Variants in CENPW observed in about 807,000 individuals in gnomAD.
CENPW encodes cancer-up-regulated gene 2 protein.
A neutral mutation model predicts 11.1 loss-of-function variants in CENPW; 3 were observed. That is an observed-to-expected ratio of 0.27 (90% CI 0.12 to 0.70). The LOEUF (loss-of-function observed/expected upper bound fraction) is 0.70. Ranked by LOEUF, CENPW falls within the 30% of genes least tolerant of loss-of-function variation. CENPW has a pLI of 0.77. For missense variants in CENPW, 100 were observed against 105.6 expected, an observed-to-expected ratio of 0.95 and a Z score of 0.23; for synonymous variants, 38 against 42.0, an observed-to-expected ratio of 0.91 and a Z score of 0.37.
chr6:126,403,216 A>G, the CENPW span, among the ~76,000 whole-genome samples: 1 of 152,128 alleles, frequency 6.6e-6, no homozygotes, highest in Non-Finnish European at 1.5e-5. Flanking sequence ...TATTGAAATT[A>G]GGCCAATTAA....
At chr6:126,363,251 C>G in the CENPW span, among the ~76,000 whole-genome samples, 1 of 152,156 alleles carries the variant, frequency 6.6e-6, no homozygotes, top group African/African-American at 2.4e-5. Context: ...GAACTAGAAG[C>G]CATAAACTGG....
At chr6:126,372,904 G>A in the CENPW span, among the ~76,000 whole-genome samples, 2 of 152,148 alleles carry the variant, frequency 1.3e-5, no homozygotes, top group Non-Finnish European at 2.9e-5. Context: ...ATGCCCTGGA[G>A]TACTAAAATA....
At chr6:126,473,977 C>CAGAATATATATAGAATATAT in the CENPW span, among the ~76,000 whole-genome samples, 1 of 147,270 alleles carries the variant, frequency 6.8e-6, no homozygotes, top group South Asian at 2.1e-4. Context: ...ATAGAATATA[C>CAGAATATATATAGAATATAT]AGAATATATA....
the CENPW span, among the ~76,000 whole-genome samples, chr6:126,364,401 G>A: frequency 6.6e-6 from 1 of 152,140 alleles, no homozygotes; most frequent in Non-Finnish European, 1.5e-5. Context: ...TCACAGAGAA[G>A]TTTCTAAGGT....
At chr6:126,426,071 C>T in the CENPW span, among the ~76,000 whole-genome samples, 78 of 152,188 alleles carry the variant, frequency 5.1e-4, no homozygotes, top group African/African-American at 1.7e-3. Flanking sequence ...AATCCAGTGC[C>T]TGGCTGGTTT....
chr6:126,452,032 G>T, the CENPW span, among the ~76,000 whole-genome samples: 1 of 151,062 alleles, frequency 6.6e-6, no homozygotes, highest in African/African-American at 2.4e-5. Context: ...TGTGGAACAG[G>T]TACAAATAGA....
chr6:126,352,207 A>G (rs991839261), downstream of CENPW, among the ~76,000 whole-genome samples: 1 of 152,068 alleles, frequency 6.6e-6, no homozygotes, highest in African/African-American at 2.4e-5. Flanking sequence ...TCTTACTACA[A>G]CTTAGGGTAG....
chr6:126,413,068 G>C, the CENPW span, among the ~76,000 whole-genome samples: 1 of 151,994 alleles, frequency 6.6e-6, no homozygotes, highest in African/African-American at 2.4e-5. Flanking sequence ...AGTTATGTTT[G>C]TTTTCTGTAG....
At chr6:126,463,690 C>A in the CENPW span, among the ~76,000 whole-genome samples, 1 of 151,878 alleles carries the variant, frequency 6.6e-6, no homozygotes, top group Non-Finnish European at 1.5e-5. Context: ...ATAAGTTAGA[C>A]AACTTCAATA....
At chr6:126,472,420 T>A in the CENPW span, among the ~76,000 whole-genome samples, 5 of 152,216 alleles carry the variant, frequency 3.3e-5, no homozygotes, top group Admixed American at 2.0e-4. Context: ...GTATGTACTC[T>A]TTCTTTTTCT....
At chr6:126,410,031 T>A in the CENPW span, among the ~76,000 whole-genome samples, 1 of 152,094 alleles carries the variant, frequency 6.6e-6, no homozygotes, top group East Asian at 1.9e-4. Flanking sequence ...TGGTTTTTTT[T>A]ATGGTGATCA....
chr6:126,363,980 T>C, the CENPW span, among the ~76,000 whole-genome samples: 1 of 152,200 alleles, frequency 6.6e-6, no homozygotes, highest in African/African-American at 2.4e-5. Context: ...ACAGTGTCTC[T>C]TTTTCTTTTA....
chr6:126,415,102 A>T, the CENPW span, among the ~76,000 whole-genome samples: 5 of 152,074 alleles, frequency 3.3e-5, no homozygotes, highest in Non-Finnish European at 5.9e-5. Context: ...GTAATAAAAA[A>T]TCTCCCACTT....
chr6:126,422,970 A>G, the CENPW span, among the ~76,000 whole-genome samples: 1 of 152,282 alleles, frequency 6.6e-6, no homozygotes, highest in Admixed American at 6.5e-5. Context: ...TTCCTGGAGA[A>G]TCTTTTCAGC....
the CENPW span, among the ~76,000 whole-genome samples, chr6:126,408,904 T>C: frequency 6.6e-6 from 1 of 152,054 alleles, no homozygotes; most frequent in East Asian, 1.9e-4. Flanking sequence ...CGTTTATGTT[T>C]TCAAAAAGCC....
the CENPW span, among the ~76,000 whole-genome samples, chr6:126,400,942 T>C: frequency 6.6e-6 from 1 of 152,160 alleles, no homozygotes; most frequent in Non-Finnish European, 1.5e-5. Flanking sequence ...ATATCTGATA[T>C]TGTCCAACTT....
the CENPW span, among the ~76,000 whole-genome samples, chr6:126,386,240 C>T: frequency 1.3e-5 from 2 of 152,040 alleles, no homozygotes; most frequent in Non-Finnish European, 2.9e-5. Flanking sequence ...ACAAAGGCTA[C>T]TTTCTTTCCC....
At chr6:126,405,675 C>T in the CENPW span, among the ~76,000 whole-genome samples, 1 of 152,030 alleles carries the variant, frequency 6.6e-6, no homozygotes, top group East Asian at 1.9e-4. Context: ...GCTTCAATTT[C>T]TTTAATTGGT....
At chr6:126,430,518 G>A in the CENPW span, among the ~76,000 whole-genome samples, 1,482 of 152,280 alleles carry the variant, frequency 9.7e-3, 5 homozygotes, top group Non-Finnish European at 0.016. Context: ...GCAGAGTGTT[G>A]TTTTGCACAT....
Sources: allele counts gnomAD v4.1 joint callset (sites outside exome capture counted in the v4.1 genomes callset), GRCh38; gene constraint gnomAD v4.1.1; transcripts MANE v1.5; gene names NCBI Gene and HGNC (gene_info 2026-07-23, HGNC 2026-07-21).